CREBRF: variants seen among roughly 807,000 people sequenced by gnomAD.
CREBRF encodes UPF0474 protein C5orf41.
Under a neutral mutation model 66.1 loss-of-function variants are expected in CREBRF, and 5 were observed. The ratio of observed to expected loss-of-function variants is 0.08; its 90% CI spans 0.04 to 0.16. The LOEUF is 0.16. CREBRF is among the 10% of genes least tolerant of loss of function. CREBRF has a pLI of 1.00. For missense variants in CREBRF, 531 were observed against 744.9 expected (o/e 0.71, Z 3.34); for synonymous variants, 229 against 264.4 (o/e 0.87, Z 1.30).
At chr5:173,064,604 C>T (rs988478259) in intron 1 of CREBRF, among the ~76,000 whole-genome samples, 7 of 141,720 alleles carry the variant, frequency 4.9e-5, no homozygotes, top group South Asian at 2.2e-4. Context: ...CTCGCTCTGT[C>T]GCCCAGGCGG....
intron 2 of CREBRF, chr5:173,085,302 A>G: frequency 3.8e-6 from 3 of 783,900 alleles, no homozygotes; most frequent in Non-Finnish European, 6.2e-6. Flanking sequence ...TGATGTCAAC[A>G]CCAGCTATGC....
chr5:173,090,573 G>T lies in CREBRF; in HGVS notation c.394G>T (p.Val132Phe), dbSNP rs543520103. 6 of 1,614,042 alleles carry T rather than the reference G, an allele frequency of 3.7e-6. No individual in the cohort carries two copies. The highest frequency in any genetic ancestry group is 2.7e-5 in the African/African-American group (2 of 74,926). The change falls in exon 4 of 9, where the codon GTT (valine) becomes TTT (phenylalanine). Residue 132 changes from valine to phenylalanine, a missense_variant. Transcript: ENST00000296953. The surrounding 1 kb of genome is among the most constrained non-coding windows in gnomAD (Gnocchi z 4.5). ...TTCTAGTCCTTACCAAGATGAAGAG[G>T]TTATAAGTAAAACTCCAACTTTAGC... ...DFSSPYQDEE[V>F]ISKTPTLAQL...
At chr5:173,061,860 A>G (rs1228035552) in intron 1 of CREBRF, among the ~76,000 whole-genome samples, 1 of 152,138 alleles carries the variant, frequency 6.6e-6, no homozygotes. Flanking sequence ...GGAAATACTA[A>G]ATTTTTTTGA....
At chr5:173,095,183 C>CTTTT (rs34893180) in intron 4 of CREBRF, among the ~76,000 whole-genome samples, 18 of 89,592 alleles carry the variant, frequency 2.0e-4, no homozygotes, top group Admixed American at 3.0e-4. Context: ...ATTACTATAG[C>CTTTT]TTTTTTTTTT....
chr5:173,066,007 G>A (rs944408930), intron 1 of CREBRF, among the ~76,000 whole-genome samples: 4 of 151,116 alleles, frequency 2.6e-5, no homozygotes, highest in Non-Finnish European at 4.4e-5. Flanking sequence ...TTTTTGAGAT[G>A]GGGTTTTGCT....
At chr5:173,076,046 C>T (rs1377792744) in intron 1 of CREBRF, among the ~76,000 whole-genome samples, 2 of 121,328 alleles carry the variant, frequency 1.6e-5, no homozygotes, top group Non-Finnish European at 3.4e-5. Context: ...CATAATAAGA[C>T]CCCATCTCTA....
intron 1 of CREBRF, among the ~76,000 whole-genome samples, chr5:173,069,907 A>ATT (rs112414901): frequency 7.5e-5 from 11 of 145,894 alleles, no homozygotes; most frequent in South Asian, 2.2e-4. Context: ...GAAGGAAACA[A>ATT]TTTTTTTTTT....
At chr5:173,103,501 C>T (rs541623480) in intron 4 of CREBRF, among the ~76,000 whole-genome samples, 79 of 152,290 alleles carry the variant, frequency 5.2e-4, no homozygotes, top group Non-Finnish European at 1.0e-3. Context: ...ATAGTTTCTT[C>T]AGTGCTAGTT....
chr5:173,067,991 C>G (rs1430606509), intron 1 of CREBRF: 2 of 321,118 alleles, frequency 6.2e-6, no homozygotes, highest in Non-Finnish European at 1.2e-5. Context: ...CAGAGCGAGA[C>G]TCCACCTCAA....
chr5:173,092,877 T>G (rs1758384452), intron 4 of CREBRF, among the ~76,000 whole-genome samples: 1 of 152,226 alleles, frequency 6.6e-6, no homozygotes, highest in Non-Finnish European at 1.5e-5. Flanking sequence ...GGATTGTGCC[T>G]TCTTCATTGG....
intron 6 of CREBRF, among the ~76,000 whole-genome samples, chr5:173,111,731 A>G (rs1047977440): frequency 6.6e-6 from 1 of 152,230 alleles, no homozygotes; most frequent in African/African-American, 2.4e-5. Flanking sequence ...TTCACTTACA[A>G]ATGTTTGTGT....
intron 4 of CREBRF, among the ~76,000 whole-genome samples, 163 bp from the exon 5 acceptor site, chr5:173,108,461 T>C (rs960883450): frequency 6.6e-6 from 1 of 152,244 alleles, no homozygotes; most frequent in African/African-American, 2.4e-5. Context: ...GATTTACATA[T>C]TAAAAGTTCT....
intron 1 of CREBRF, among the ~76,000 whole-genome samples, chr5:173,071,888 A>C (rs1235268785): frequency 6.8e-6 from 1 of 146,654 alleles, no homozygotes; most frequent in African/African-American, 2.5e-5. Context: ...AACCCTCTCT[A>C]AAAAAAAAAT....
intron 7 of CREBRF, among the ~76,000 whole-genome samples, chr5:173,117,653 T>TC (rs1323150548): frequency 1.7e-5 from 2 of 116,774 alleles, no homozygotes; most frequent in African/African-American, 3.1e-5. Context: ...CTCCTCTCTC[T>TC]CTCTCTCTCT....
At chr5:173,095,528 T>G (rs1357002745) in intron 4 of CREBRF, among the ~76,000 whole-genome samples, 1 of 152,148 alleles carries the variant, frequency 6.6e-6, no homozygotes, top group Non-Finnish European at 1.5e-5. Context: ...TGAAATCAGA[T>G]AATATGATGC....
chr5:173,120,890 G>T (rs369284034), intron 7 of CREBRF, among the ~76,000 whole-genome samples: 1 of 151,294 alleles, frequency 6.6e-6, no homozygotes, highest in African/African-American at 2.4e-5. Context: ...ATGGGGTTTC[G>T]TCATGTTGGC....
In CREBRF at chr5:173,125,630, C is replaced by T. The variant is rs1216594399; in HGVS notation, c.1804+2428C>T. 2.0e-5 allele frequency among the ~76,000 whole-genome samples: 3 copies of T among 152,120 alleles called. No individual in the cohort carries two copies. The South Asian group carries it at 6.2e-4, about 32-fold the overall frequency. On this transcript the variant is annotated intron_variant, in intron 8 of 8. Transcript: ENST00000296953. ...CTGTAATCCCAGCACTTTGGGAGGCCGAGGCAGGCAGATCACGAGGTCAGG... is the reference window on the plus strand; with the variant it reads ...CTGTAATCCCAGCACTTTGGGAGGCTGAGGCAGGCAGATCACGAGGTCAGG...
intron 2 of CREBRF, among the ~76,000 whole-genome samples, chr5:173,084,044 G>A (rs1032953854): frequency 2.6e-5 from 4 of 152,084 alleles, no homozygotes; most frequent in Non-Finnish European, 5.9e-5. Context: ...AAACAGAGGG[G>A]CAAGACAGGC....
chr5:173,080,848 A>G, intron 2 of CREBRF, 64 bp downstream of exon 2: 1 of 1,487,240 alleles, frequency 6.7e-7, no homozygotes, highest in Non-Finnish European at 9.3e-7. Flanking sequence ...AATACCTTTG[A>G]CTCTTAAATG....
Sources: allele counts gnomAD v4.1 joint callset (sites outside exome capture counted in the v4.1 genomes callset), GRCh38; gene constraint gnomAD v4.1.1; non-coding constraint Gnocchi (gnomAD v3.1); transcripts MANE v1.5; gene names NCBI Gene and HGNC (gene_info 2026-07-23, HGNC 2026-07-21).